Variants in TBC1D8 observed in about 807,000 individuals in gnomAD.
The protein encoded by TBC1D8 is TBC1 domain family member 8.
In TBC1D8, 65 loss-of-function variants were observed where a neutral mutation model predicts 118.8. The observed-to-expected ratio is 0.55, with a 90% CI of 0.45 to 0.67. The LOEUF (loss-of-function observed/expected upper bound fraction) is 0.67, where lower values mean the gene tolerates loss of function less well. Ranked by LOEUF, TBC1D8 falls within the 30% of genes least tolerant of loss-of-function variation. TBC1D8 has a pLI of 0.00. For missense variants in TBC1D8, 1,376 were observed against 1,471.2 expected (o/e 0.94, Z 1.06); for synonymous variants, 566 against 595.8 (o/e 0.95, Z 0.73).
chr2:101,051,259 T>C (rs908448787), intron 4 of TBC1D8, among the ~76,000 whole-genome samples: 1 of 152,208 alleles, frequency 6.6e-6, no homozygotes, highest in African/African-American at 2.4e-5. Flanking sequence ...TTATATTCCT[T>C]TGGATATACA....
chr2:101,075,641 G>A (rs1267819686), intron 2 of TBC1D8, among the ~76,000 whole-genome samples: 1 of 152,126 alleles, frequency 6.6e-6, no homozygotes, highest in East Asian at 1.9e-4. Flanking sequence ...GCTGCCTTGT[G>A]AAGAAAGTGC....
chr2:101,091,855 C>T (rs1676056798), intron 1 of TBC1D8, among the ~76,000 whole-genome samples: 3 of 152,194 alleles, frequency 2.0e-5, no homozygotes, highest in African/African-American at 7.2e-5. Context: ...GCCACAGCTG[C>T]CTGAGCAATT....
chr2:101,128,114 TC>T (rs1176847381), intron 1 of TBC1D8, among the ~76,000 whole-genome samples: 1 of 152,162 alleles, frequency 6.6e-6, no homozygotes, highest in Non-Finnish European at 1.5e-5. Flanking sequence ...CTCCTAATAG[TC>T]CTATTCTTTC....
At chr2:101,104,345 A>G (rs1677061184) in intron 1 of TBC1D8, among the ~76,000 whole-genome samples, 1 of 152,242 alleles carries the variant, frequency 6.6e-6, no homozygotes, top group Non-Finnish European at 1.5e-5. Context: ...ACTATTTTGT[A>G]AATATTGACA....
rs576684054 is a variant in TBC1D8 at position 101,038,677 on chromosome 2, G to A, written c.1081-22C>T. 4 of 1,611,846 alleles carry A rather than the reference G, an allele frequency of 2.5e-6. No individual in the cohort carries two copies. In the South Asian group the frequency reaches 4.4e-5, roughly 18 times the overall value. Reference sequence around the variant, plus strand: ...CCACCTGCGCGAGAGGCAACATGCAGGGACAGAAGGGCGGGAGGAAGGTAG... The same window carrying A: ...CCACCTGCGCGAGAGGCAACATGCAAGGACAGAAGGGCGGGAGGAAGGTAG... On this transcript the variant is annotated intron_variant, in intron 6 of 19. Coordinates refer to ENST00000409318, the MANE Select transcript of TBC1D8 (RefSeq NM_001330348.2).
intron 2 of TBC1D8, among the ~76,000 whole-genome samples, chr2:101,071,454 T>C (rs532031911): frequency 6.6e-6 from 1 of 152,262 alleles, no homozygotes; most frequent in African/African-American, 2.4e-5. Context: ...GATCATTCTT[T>C]AGTTAATTGT....
chr2:101,119,729 T>C (rs754671578), intron 1 of TBC1D8, among the ~76,000 whole-genome samples: 4 of 152,228 alleles, frequency 2.6e-5, no homozygotes, highest in Non-Finnish European at 4.4e-5. Context: ...TCTGCCACTA[T>C]GTCTGCCCTT....
At position 101,148,190 on chromosome 2, in the gene TBC1D8, T is replaced by C. The variant is rs116696611; in HGVS notation, c.127+2937A>G. Among the ~76,000 whole-genome samples the C allele has an allele frequency of 7.8e-3, 1,182 of 152,264 alleles. 13 individuals are homozygous for C. Among genetic ancestry groups the C allele is most frequent in the African/African-American group, 0.027 (1,119 of 41,552 alleles). On this transcript the variant is annotated intron_variant, in intron 1 of 19. Coordinates refer to ENST00000409318, the MANE Select transcript of TBC1D8 (RefSeq NM_001330348.2). ...TGTTTCCCACCCACACCCCTCCAGCTTTCCATAATGGTCAGACTGCCAGGT... is the reference window on the plus strand; with the variant it reads ...TGTTTCCCACCCACACCCCTCCAGCCTTCCATAATGGTCAGACTGCCAGGT...
intron 1 of TBC1D8, among the ~76,000 whole-genome samples, chr2:101,135,616 A>T (rs1037043268): frequency 3.9e-5 from 6 of 152,254 alleles, no homozygotes; most frequent in African/African-American, 1.4e-4. Flanking sequence ...AACAAAGAGC[A>T]GGGAACAACA....
chr2:101,148,307 A>G (rs1679401635), intron 1 of TBC1D8, among the ~76,000 whole-genome samples: 1 of 152,226 alleles, frequency 6.6e-6, no homozygotes, highest in African/African-American at 2.4e-5. Context: ...CTTTTAAGAA[A>G]AAAGTGGGAT....
chr2:101,086,596 G>C (rs2105452799), intron 2 of TBC1D8, among the ~76,000 whole-genome samples: 1 of 151,708 alleles, frequency 6.6e-6, no homozygotes, highest in East Asian at 1.9e-4. Context: ...GGTGCTGCCT[G>C]AGATTTCTCC....
Position 101,054,259 on chromosome 2 carries a change from C to T in TBC1D8, c.480G>A (p.Val160=), listed in dbSNP as rs768024871. The T allele has an allele frequency of 6.2e-7, 1 of 1,601,956 alleles. No individual in the cohort carries two copies. The part of the protein sequence containing the change: ...EEPEKFREAL[V]KFEARFNFPE... ...GGAAGTTGAACCTGGCCTCGAACTT[C>T]ACCAGGGCTTCTCGGAATTTCTCGG... is the stretch of plus-strand genomic sequence containing the variant. The change falls in exon 4 of 20, where the codon GTG becomes GTA. Residue 160 remains valine (V), a synonymous_variant. Transcript: ENST00000409318.
At chr2:101,096,913 C>T (rs1676492715) in intron 1 of TBC1D8, among the ~76,000 whole-genome samples, 1 of 152,012 alleles carries the variant, frequency 6.6e-6, no homozygotes, top group Non-Finnish European at 1.5e-5. Context: ...AGATAGTAAT[C>T]ATTTGAAGCG....
intron 1 of TBC1D8, among the ~76,000 whole-genome samples, chr2:101,093,527 C>T (rs1220734388): frequency 6.6e-6 from 1 of 151,984 alleles, no homozygotes. Context: ...TTTTCCAACA[C>T]CAAGTAAACT....
intron 2 of TBC1D8, among the ~76,000 whole-genome samples, chr2:101,089,112 G>A (rs951695823): frequency 2.0e-5 from 3 of 152,166 alleles, no homozygotes; most frequent in African/African-American, 7.2e-5. Flanking sequence ...AACTCTGGAA[G>A]GCCAAGGCAG....
At chr2:101,129,105 A>G (rs1678473749) in intron 1 of TBC1D8, among the ~76,000 whole-genome samples, 4 of 152,144 alleles carry the variant, frequency 2.6e-5, no homozygotes, top group African/African-American at 9.7e-5. Context: ...TGTTATGTAT[A>G]TTTACCACAG....
intron 16 of TBC1D8, 21 bp downstream of exon 16, chr2:101,022,260 C>T (rs548064760): frequency 2.5e-6 from 4 of 1,613,256 alleles, no homozygotes; most frequent in South Asian, 2.2e-5. Context: ...CACATCACTG[C>T]GAAATCCCAC....
rs1679375834 is a variant in TBC1D8, at chr2:101,147,696, T to C, written c.127+3431A>G. On this transcript the variant is annotated intron_variant, in intron 1 of 19. Coordinates refer to ENST00000409318, the MANE Select transcript of TBC1D8 (RefSeq NM_001330348.2). ...TTTTGCTCATTTTTCAATCCAGTTA[T>C]TAGATTTTTTTGCTCTTGAGCTATT... is the stretch of plus-strand genomic sequence containing the variant. Among the ~76,000 whole-genome samples, 5 of 152,148 alleles carry C rather than the reference T, an allele frequency of 3.3e-5. No homozygotes were observed. In the South Asian group the frequency reaches 8.3e-4, roughly 25 times the overall value.
rs543680787 is a variant in TBC1D8, at chr2:101,066,944, C to CA, written c.284-7406dup. Among the ~76,000 whole-genome samples the CA allele has an allele frequency of 3.9e-3, 445 of 114,806 alleles. 1 individual carries two copies. Among genetic ancestry groups the CA allele is most frequent in the East Asian group, 8.6e-3 (32 of 3,726 alleles). The allele number at this position is 114,806 out of a possible 152,430, so 75.3% of individuals were successfully genotyped here. Reference sequence around the variant, plus strand: ...CCTGGGCGACAGAGCGAGAGTATCCCAAAAAAAAAAAAAAAAAAAAAAAAA... The same window carrying CA: ...CCTGGGCGACAGAGCGAGAGTATCCCAAAAAAAAAAAAAAAAAAAAAAAAAA... On this transcript the variant is annotated intron_variant, in intron 2 of 19. Coordinates refer to ENST00000409318, the MANE Select transcript of TBC1D8 (RefSeq NM_001330348.2).
Sources: allele counts gnomAD v4.1 joint callset (sites outside exome capture counted in the v4.1 genomes callset), GRCh38; gene constraint gnomAD v4.1.1; transcripts MANE v1.5; gene names NCBI Gene and HGNC (gene_info 2026-07-23, HGNC 2026-07-21).